MMEL1: variants seen among roughly 807,000 people sequenced by gnomAD.
MMEL1 encodes membrane metalloendopeptidase like 1, also known as membrane metallo-endopeptidase-like 1.
In MMEL1, 98 loss-of-function variants were observed where a neutral mutation model predicts 117.1. That is an observed-to-expected ratio of 0.84 (90% CI 0.71 to 0.99). The LOEUF is 0.99. MMEL1 is among the 50% of genes least tolerant of loss of function. MMEL1 has a pLI of 0.00. For synonymous variants in MMEL1, 390 were observed against 415.1 expected (o/e 0.94, Z 0.74); for missense variants, 1,014 against 1,049.1 (o/e 0.97, Z 0.46).
At chr1:2,623,831 G>A (rs1557558147) in intron 2 of MMEL1, among the ~76,000 whole-genome samples, 1 of 152,190 alleles carries the variant, frequency 6.6e-6, no homozygotes, top group Admixed American at 6.5e-5. Context: ...GGCAGCAAAA[G>A]CTTTAAACCA....
At chr1:2,606,507 G>A in intron 7 of MMEL1, 141 bp from the exon 8 acceptor site, 1 of 633,348 alleles carries the variant, frequency 1.6e-6, no homozygotes, top group Non-Finnish European at 2.7e-6. Flanking sequence ...AGGGGCTGGG[G>A]GATGTGGGAG....
At chr1:2,631,725 T>C (rs1638597207) in intron 1 of MMEL1, among the ~76,000 whole-genome samples, 2 of 152,072 alleles carry the variant, frequency 1.3e-5, no homozygotes, top group South Asian at 4.1e-4. Flanking sequence ...TAGACACCCC[T>C]ATCCCGCCAC....
intron 4 of MMEL1, among the ~76,000 whole-genome samples, chr1:2,611,048 G>C (rs905261067): frequency 6.6e-6 from 1 of 152,250 alleles, no homozygotes; most frequent in Non-Finnish European, 1.5e-5. Context: ...ACGGGATGCT[G>C]TTGCTGCAGG....
In MMEL1 at chr1:2,595,366, G is replaced by T. The variant is rs1239663836; in HGVS notation, c.1501-7C>A. On this transcript the variant is annotated splice_polypyrimidine_tract_variant and splice_region_variant and intron_variant, in intron 15 of 23. Coordinates refer to ENST00000378412, the MANE Select transcript of MMEL1 (RefSeq NM_033467.4). The surrounding 1 kb of genome is among the most constrained non-coding windows in gnomAD (Gnocchi z 4.8). ...GCTCCCGGATGCTCATGGCCTGAGT[G>T]GGGAGGAGGGACTGGTCAGTGGGTG... is the stretch of plus-strand genomic sequence containing the variant. The T allele has an allele frequency of 6.2e-7, 1 of 1,613,522 alleles. No individual in the cohort carries two copies. The highest frequency in any genetic ancestry group is 1.1e-5 in the South Asian group (1 of 91,080).
At chr1:2,630,506 G>A (rs570252019) in intron 1 of MMEL1, among the ~76,000 whole-genome samples, 11 of 151,236 alleles carry the variant, frequency 7.3e-5, no homozygotes, top group East Asian at 2.0e-4. Context: ...GTGTGCTCTC[G>A]TGTGTGCGTG....
At chr1:2,596,813 G>T in intron 13 of MMEL1, 124 bp from the exon 14 acceptor site, 1 of 1,100,610 alleles carries the variant, frequency 9.1e-7, no homozygotes, top group Non-Finnish European at 1.3e-6. Flanking sequence ...CCCGGGGCTA[G>T]CGGGGGCACG....
rs550762437 is a variant in MMEL1, at chr1:2,632,983, A to G, written c.-155T>C. The stretch of plus-strand genomic sequence containing the variant: ...GTGGATTTCCAGGGACTGGGATGGG[A>G]GAGCAGTGGCTTGGGGCTGAGTTGA... On this transcript the variant is annotated 5_prime_UTR_variant, in exon 1 of 24. Transcript: ENST00000378412. 736 of 985,748 alleles carry G rather than the reference A, an allele frequency of 7.5e-4. 1 individual carries two copies. Among genetic ancestry groups the G allele is most frequent in the Admixed American group, 1.9e-3 (31 of 16,276 alleles). The allele number at this position is 985,748 out of a possible 1,614,324, so 61.1% of individuals were successfully genotyped here.
intron 14 of MMEL1, 89 bp from the exon 15 acceptor site, chr1:2,596,196 C>A (rs1196827429): frequency 3.2e-6 from 4 of 1,242,172 alleles, no homozygotes; most frequent in Non-Finnish European, 4.6e-6. Flanking sequence ...TGGTCTGAGC[C>A]CCGCCGGGGC....
In MMEL1 at chr1:2,609,322, T is replaced by C. The variant is rs1349161574; in HGVS notation, c.535+17A>G. 6.8e-6 allele frequency: 11 copies of C among 1,606,028 alleles called. No homozygotes were observed. The highest frequency in any genetic ancestry group is 7.6e-6 in the Non-Finnish European group (9 of 1,176,620). The stretch of plus-strand genomic sequence containing the variant: ...CCCGTCCCCTGCCTCGGCCCCTTCC[T>C]GGCGGCCCCCACTCACTCTGGTTCA... On this transcript the variant is annotated intron_variant, in intron 6 of 23. Transcript: ENST00000378412.
intron 11 of MMEL1, among the ~76,000 whole-genome samples, chr1:2,600,536 GAAAAA>G (rs56126904): frequency 4.8e-4 from 73 of 150,594 alleles, no homozygotes; most frequent in African/African-American, 1.4e-3. Context: ...CTGTTTCTGG[GAAAAA>G]AAAAAAAATC....
At position 2,596,003 on chromosome 1, in the gene MMEL1, A is replaced by T. The variant is rs759037421; in HGVS notation, c.1500+6T>A. On this transcript the variant is annotated splice_donor_region_variant and intron_variant, in intron 15 of 23. Coordinates refer to ENST00000378412, the MANE Select transcript of MMEL1 (RefSeq NM_033467.4). ...GGGGCTGCCCTGACCTCTGCGAGCC[A>T]CATACCTTCTCCTGCGCCTTCTTCT... 17 of 1,613,256 alleles carry T rather than the reference A, an allele frequency of 1.1e-5. No homozygotes were observed. The highest frequency in any genetic ancestry group is 1.4e-5 in the Non-Finnish European group (17 of 1,179,452).
rs866976874 is a variant in MMEL1 at position 2,598,217 on chromosome 1, T to G, written c.1262A>C (p.Asn421Thr). Reference protein sequence around the residue: ...LSQRFKDTRVNYRKALFGTMV... With the variant: ...LSQRFKDTRVTYRKALFGTMV... ...AGGGAAGGGGCTCACCTTGCGGTAG[T>G]TCACTCGTGTGTCCTTGAATCTCTG... The change falls in exon 13 of 24, where the codon AAC (asparagine) becomes ACC (threonine). Residue 421 changes from asparagine to threonine, a missense_variant. Coordinates refer to ENST00000378412, the MANE Select transcript of MMEL1 (RefSeq NM_033467.4). 1 of 1,613,974 alleles carries G rather than the reference T, an allele frequency of 6.2e-7. No homozygotes were observed. The highest frequency in any genetic ancestry group is 8.5e-7 in the Non-Finnish European group (1 of 1,179,926).
At chr1:2,609,559 T>A in intron 5 of MMEL1, 111 bp downstream of exon 5, 1 of 1,530,012 alleles carries the variant, frequency 6.5e-7, no homozygotes, top group Non-Finnish European at 8.9e-7. Flanking sequence ...CTGCGCCCAC[T>A]GGACCAAGGA....
chr1:2,617,590 A>G (rs1163996438), intron 2 of MMEL1, among the ~76,000 whole-genome samples: 1 of 152,116 alleles, frequency 6.6e-6, no homozygotes, highest in Non-Finnish European at 1.5e-5. Flanking sequence ...ACAGAGCGAG[A>G]TTCTATCTCA....
rs1570651623 is a variant in MMEL1, at chr1:2,595,420, G to T, written c.1501-61C>A. ...CACTGCGGATGGAGTCAGCCCGGGG[G>T]CCGGTCAGTGAGTGCCACACTGTGG... On this transcript the variant is annotated intron_variant, in intron 15 of 23. Transcript: ENST00000378412. This position sits in a 1 kb window ranked among gnomAD's most constrained non-coding sequence, Gnocchi z 4.8. 6.8e-7 allele frequency: 1 copy of T among 1,461,588 alleles called. No individual in the cohort carries two copies. Among genetic ancestry groups the T allele is most frequent in the Non-Finnish European group, 9.6e-7 (1 of 1,043,850 alleles). 90.5% of individuals were successfully genotyped at this position (1,461,588 alleles called of 1,614,324 possible). A position where few individuals can be genotyped will look rare whatever the true frequency, so the allele number is the denominator to read the frequency against.
intron 1 of MMEL1, among the ~76,000 whole-genome samples, chr1:2,631,452 C>T (rs2100973517): frequency 6.6e-6 from 1 of 152,048 alleles, no homozygotes; most frequent in East Asian, 1.9e-4. Flanking sequence ...CTGGGAGATC[C>T]TAGATGTCCC....
intron 11 of MMEL1, among the ~76,000 whole-genome samples, chr1:2,602,952 C>T (rs1213613804): frequency 3.3e-5 from 5 of 152,148 alleles, no homozygotes; most frequent in Admixed American, 6.5e-5. Flanking sequence ...GAACCTCGAT[C>T]GAGATAGGCC....
At position 2,603,883 on chromosome 1, in the gene MMEL1, C is replaced by G; in HGVS notation, c.1041+1G>C. 1 of 1,613,280 alleles carries G rather than the reference C, an allele frequency of 6.2e-7. No individual in the cohort carries two copies. The highest frequency in any genetic ancestry group is 8.5e-7 in the Non-Finnish European group (1 of 1,179,684). On this transcript the variant is annotated splice_donor_variant, in intron 11 of 23. Coordinates refer to ENST00000378412, the MANE Select transcript of MMEL1 (RefSeq NM_033467.4). LOFTEE classifies it high-confidence loss of function. Reference sequence around the variant, plus strand: ...CGGCCTCCTGTGTGGTGTGGCCTCACCTTCAGGCCAAACTGGCTTTGCAGC... The same window carrying G: ...CGGCCTCCTGTGTGGTGTGGCCTCAGCTTCAGGCCAAACTGGCTTTGCAGC...
intron 7 of MMEL1, 132 bp from the exon 8 acceptor site, chr1:2,606,498 G>C (rs1645031330): frequency 1.5e-6 from 1 of 648,218 alleles, no homozygotes; most frequent in Non-Finnish European, 2.7e-6. Context: ...GTGCGCCTTA[G>C]GGGCTGGGGG....
Sources: allele counts gnomAD v4.1 joint callset (sites outside exome capture counted in the v4.1 genomes callset), GRCh38; gene constraint gnomAD v4.1.1; non-coding constraint Gnocchi (gnomAD v3.1); transcripts MANE v1.5; gene names NCBI Gene and HGNC (gene_info 2026-07-23, HGNC 2026-07-21).